FGGY: variants seen among roughly 807,000 people sequenced by gnomAD.
FGGY encodes FGGY carbohydrate kinase domain containing.
A neutral mutation model predicts 71.3 loss-of-function variants in FGGY; 72 were observed. That is an observed-to-expected ratio of 1.01 (90% CI 0.84 to 1.23). FGGY has a LOEUF of 1.23. FGGY is among the 50% of genes most tolerant of loss of function. The pLI is 0.00. For synonymous variants in FGGY, 251 were observed against 250.3 expected (o/e 1.00, Z -0.02); for missense variants, 668 against 682.3 (o/e 0.98, Z 0.23).
At chr1:59,487,833 T>G (rs1340912722) in intron 6 of FGGY, among the ~76,000 whole-genome samples, 2 of 141,216 alleles carry the variant, frequency 1.4e-5, no homozygotes, top group African/African-American at 5.2e-5. Flanking sequence ...AGGCTCCTCC[T>G]CAGCCCAACT....
intron 14 of FGGY, among the ~76,000 whole-genome samples, chr1:59,689,900 A>C (rs1273608938): frequency 6.6e-6 from 1 of 152,106 alleles, no homozygotes; most frequent in East Asian, 1.9e-4. Flanking sequence ...CCCCTCCCTG[A>C]CACCTGGGCC....
chr1:59,698,205 T>C (rs1194947641), intron 14 of FGGY, among the ~76,000 whole-genome samples: 3 of 152,178 alleles, frequency 2.0e-5, no homozygotes, highest in African/African-American at 7.2e-5. Context: ...GGGAACCTCA[T>C]GTCATTTGAA....
At chr1:59,627,542 G>T (rs1304732749) in intron 10 of FGGY, among the ~76,000 whole-genome samples, 3 of 131,058 alleles carry the variant, frequency 2.3e-5, no homozygotes, top group Non-Finnish European at 4.9e-5. Flanking sequence ...ATATAGATAT[G>T]TATATTCATG....
chr1:59,390,286 T>C (rs1034762484), intron 5 of FGGY, among the ~76,000 whole-genome samples: 1 of 152,190 alleles, frequency 6.6e-6, no homozygotes, highest in African/African-American at 2.4e-5. Flanking sequence ...CTTAAACACA[T>C]AAGGGCTCAT....
chr1:59,324,210 A>G (rs1174239342), intron 2 of FGGY, among the ~76,000 whole-genome samples: 1 of 151,404 alleles, frequency 6.6e-6, no homozygotes, highest in Non-Finnish European at 1.5e-5. Context: ...ACACTGGTCC[A>G]GGTACTATAC....
At position 59,346,372 on chromosome 1, in the gene FGGY, G is replaced by GC; in HGVS notation, c.443dup (p.Lys149GlufsTer16). 1.2e-6 allele frequency: 2 copies of GC among 1,611,474 alleles called. No individual in the cohort carries two copies. Among genetic ancestry groups the GC allele is most frequent in the South Asian group, 2.2e-5 (2 of 90,964 alleles). The stretch of plus-strand genomic sequence containing the variant: ...GGGGGTGATGTCTGTGGAAATGCAG[G>GC]CCCCGAAACTTCTGTGGCTGAAAGA... On this transcript the variant is annotated frameshift_variant, in exon 4 of 16. Coordinates refer to ENST00000303721, the MANE Select transcript of FGGY (RefSeq NM_018291.5). LOFTEE classifies it high-confidence loss of function.
At position 59,339,269 on chromosome 1, in the gene FGGY, T is replaced by G. The variant is rs1446619596; in HGVS notation, c.202-689T>G. ...TGAAATGCTTTTGATCACAAGCATT[T>G]CAGGTAAGTAATAACAGCCTGTAGT... On this transcript the variant is annotated intron_variant, in intron 2 of 15. Transcript: ENST00000303721. Among the ~76,000 whole-genome samples the G allele has an allele frequency of 2.6e-5, 4 of 152,128 alleles. No individual in the cohort carries two copies. In the East Asian group the frequency reaches 7.7e-4, roughly 29 times the overall value.
chr1:59,536,010 CA>C (rs1322156469), intron 7 of FGGY, among the ~76,000 whole-genome samples: 2 of 150,660 alleles, frequency 1.3e-5, no homozygotes, highest in Non-Finnish European at 2.9e-5. Flanking sequence ...AATCAAGACA[CA>C]AAAAACCCTT....
At chr1:59,404,297 A>G (rs145328607) in intron 5 of FGGY, among the ~76,000 whole-genome samples, 1 of 152,086 alleles carries the variant, frequency 6.6e-6, no homozygotes, top group Non-Finnish European at 1.5e-5. Flanking sequence ...GGATGCAGCA[A>G]TCCACCACGC....
rs2045595226 is a variant in FGGY, at chr1:59,317,140, G to A, written c.-14-4396G>A. On this transcript the variant is annotated intron_variant, in intron 1 of 15. Transcript: ENST00000303721. ...CACAGGGTTGCTATAAGGATTAAAT[G>A]AAATCATGGAGTCACATGGTGATCT... Among the ~76,000 whole-genome samples, 4 of 152,214 alleles carry A rather than the reference G, an allele frequency of 2.6e-5. No homozygotes were observed. The South Asian group carries it at 8.3e-4, about 32-fold the overall frequency.
chr1:59,472,310 G>A (rs563175802), intron 6 of FGGY, among the ~76,000 whole-genome samples: 4 of 152,344 alleles, frequency 2.6e-5, no homozygotes, highest in African/African-American at 7.2e-5. Flanking sequence ...AGGGGCCTTA[G>A]CTGCCTTCCC....
At chr1:59,311,027 C>G (rs1017700515) in intron 1 of FGGY, among the ~76,000 whole-genome samples, 2 of 152,088 alleles carry the variant, frequency 1.3e-5, no homozygotes, top group Non-Finnish European at 2.9e-5. Context: ...TAATGTTTCC[C>G]ACAGTAGGAT....
intron 5 of FGGY, among the ~76,000 whole-genome samples, chr1:59,410,385 A>T (rs1463703692): frequency 6.6e-6 from 1 of 152,182 alleles, no homozygotes. Flanking sequence ...GAAAGCACTC[A>T]GAAAGGTTGA....
chr1:59,573,657 G>T (rs1161301469), intron 8 of FGGY, among the ~76,000 whole-genome samples: 3 of 152,160 alleles, frequency 2.0e-5, no homozygotes, highest in Non-Finnish European at 4.4e-5. Context: ...ATAGAAGGAA[G>T]TAGTCATGTG....
intron 5 of FGGY, among the ~76,000 whole-genome samples, chr1:59,423,431 G>A (rs1278126694): frequency 6.6e-6 from 1 of 152,106 alleles, no homozygotes; most frequent in African/African-American, 2.4e-5. Context: ...AGATCAATAT[G>A]TTGGATGCAA....
chr1:59,684,783 G>A (rs2097531680), intron 14 of FGGY, among the ~76,000 whole-genome samples: 1 of 152,164 alleles, frequency 6.6e-6, no homozygotes, highest in Admixed American at 6.5e-5. Flanking sequence ...CTTGCTAGCT[G>A]TGTGAACACA....
At chr1:59,370,308 G>C (rs941794373) in intron 4 of FGGY, among the ~76,000 whole-genome samples, 20 of 152,194 alleles carry the variant, frequency 1.3e-4, no homozygotes, top group African/African-American at 4.8e-4. Flanking sequence ...GGAAGAAAGC[G>C]ATGGAAGATG....
At chr1:59,758,554 T>G (rs958280788) in intron 15 of FGGY, among the ~76,000 whole-genome samples, 1 of 152,180 alleles carries the variant, frequency 6.6e-6, no homozygotes, top group Non-Finnish European at 1.5e-5. Context: ...GGTGACAAAG[T>G]TGCCCAAGGA....
intron 6 of FGGY, among the ~76,000 whole-genome samples, chr1:59,497,622 A>T (rs2094082346): frequency 6.6e-6 from 1 of 152,168 alleles, no homozygotes; most frequent in Non-Finnish European, 1.5e-5. Flanking sequence ...CCAGAGTAGA[A>T]TGCAATTCTC....
Sources: allele counts gnomAD v4.1 joint callset (sites outside exome capture counted in the v4.1 genomes callset), GRCh38; gene constraint gnomAD v4.1.1; transcripts MANE v1.5; gene names NCBI Gene and HGNC (gene_info 2026-07-23, HGNC 2026-07-21).